SPATA7: variants seen among roughly 807,000 people sequenced by gnomAD.
The protein encoded by SPATA7 is spermatogenesis associated 7.
A neutral mutation model predicts 51.8 loss-of-function variants in SPATA7; 43 were observed. The ratio of observed to expected loss-of-function variants is 0.83; its 90% CI spans 0.65 to 1.07. The LOEUF is 1.07. SPATA7 is among the 50% of genes least tolerant of loss of function. The pLI, the probability that SPATA7 is intolerant of heterozygous loss-of-function variation, is 0.00. For synonymous variants in SPATA7, 230 were observed against 252.8 expected (o/e 0.91, Z 0.86); for missense variants, 683 against 701.3 (o/e 0.97, Z 0.30).
At chr14:88,433,247 A>G (rs1422790460) in intron 10 of SPATA7, 35 bp downstream of exon 10, 2 of 1,386,026 alleles carry the variant, frequency 1.4e-6, no homozygotes, top group Non-Finnish European at 2.0e-6. Flanking sequence ...TTAATTCAGG[A>G]GTACATTAAA....
At chr14:88,452,499 TG>T (rs1273442871) in intron 3 of SPATA7, among the ~76,000 whole-genome samples, 2 of 150,920 alleles carry the variant, frequency 1.3e-5, no homozygotes, top group Non-Finnish European at 3.0e-5. Flanking sequence ...CAAGAGATTA[TG>T]TCCTTTTTTT....
intron 4 of SPATA7, among the ~76,000 whole-genome samples, chr14:88,468,639 A>C (rs2077403324): frequency 6.6e-6 from 1 of 152,170 alleles, no homozygotes; most frequent in Non-Finnish European, 1.5e-5. Context: ...TGAAATGTAA[A>C]CAGAAAAAGA....
intron 3 of SPATA7, among the ~76,000 whole-genome samples, chr14:88,445,052 T>A (rs1331836836): frequency 6.6e-6 from 1 of 152,028 alleles, no homozygotes; most frequent in Admixed American, 6.6e-5. Flanking sequence ...GGGGATGGCA[T>A]TGAATCTGTA....
chr14:88,468,672 A>G (rs890638679), intron 4 of SPATA7, among the ~76,000 whole-genome samples: 1 of 151,880 alleles, frequency 6.6e-6, no homozygotes, highest in Non-Finnish European at 1.5e-5. Flanking sequence ...AATTTGAAAA[A>G]CCCTGGGCAA....
intron 4 of SPATA7, among the ~76,000 whole-genome samples, chr14:88,406,392 G>A (rs974451650): frequency 2.7e-5 from 4 of 149,526 alleles, no homozygotes; most frequent in South Asian, 4.2e-4. Flanking sequence ...TTGCAGCCAC[G>A]CTGCAAATTC....
In SPATA7 at chr14:88,393,562, A is replaced by G. The variant is rs187237972; in HGVS notation, c.190+74A>G. ...CTTCACTTCTCATTAAAATATATCTATAGCAAAAATGAATACCTTATATAT... is the reference window on the plus strand; with the variant it reads ...CTTCACTTCTCATTAAAATATATCTGTAGCAAAAATGAATACCTTATATAT... On this transcript the variant is annotated intron_variant, in intron 3 of 11. Transcript: ENST00000393545. 3,519 of 1,078,086 alleles carry G rather than the reference A, an allele frequency of 3.3e-3. 11 individuals carry two copies. The highest frequency in any genetic ancestry group is 0.012 in the Middle Eastern group (57 of 4,720). 66.8% of individuals were successfully genotyped at this position (1,078,086 alleles called of 1,614,324 possible). A position where few individuals can be genotyped will look rare whatever the true frequency, so the allele number is the denominator to read the frequency against.
At chr14:88,415,536 A>G (rs1480705172) in intron 4 of SPATA7, among the ~76,000 whole-genome samples, 1 of 151,710 alleles carries the variant, frequency 6.6e-6, no homozygotes, top group East Asian at 1.9e-4. Flanking sequence ...TAAATAAAAA[A>G]ATTAAAAAGT....
chr14:88,468,071 G>T, intron 4 of SPATA7: 1 of 1,568,676 alleles, frequency 6.4e-7, no homozygotes, highest in South Asian at 1.1e-5. Flanking sequence ...GTATGAGTTA[G>T]GCAAGCGCTT....
chr14:88,469,847 G>A lies in SPATA7; in HGVS notation c.256G>A (p.Val86Ile), dbSNP rs2077431283. 6.2e-7 allele frequency: 1 copy of A among 1,607,840 alleles called. No individual in the cohort carries two copies. The highest frequency in any genetic ancestry group is 8.5e-7 in the Non-Finnish European group (1 of 1,174,600). Residue 86 changes from valine (V) to isoleucine (I), a missense_variant and splice_region_variant, in exon 5 of 5, where the codon GTC becomes ATC. Coordinates refer to the SPATA7 transcript ENST00000556406. The surrounding 1 kb of genome is among the most constrained non-coding windows in gnomAD (Gnocchi z 4.3). ...CCCTACCCTGCCTTTTTCTCCACAG[G>A]TCAGGATTCCAGATGATTAACATTA... is the stretch of plus-strand genomic sequence containing the variant.
chr14:88,468,108 T>G (rs899352139), intron 4 of SPATA7: 34 of 1,612,346 alleles, frequency 2.1e-5, no homozygotes, highest in Non-Finnish European at 2.9e-5. Context: ...ACGCTTCACA[T>G]GACTGGCCCC....
downstream of SPATA7, among the ~76,000 whole-genome samples, chr14:88,458,978 T>C (rs937531851): frequency 2.0e-5 from 3 of 152,230 alleles, no homozygotes; most frequent in African/African-American, 7.2e-5. Flanking sequence ...TTTTGTTATA[T>C]ACCCATTAGT....
downstream of SPATA7, among the ~76,000 whole-genome samples, chr14:88,457,090 G>A (rs59714826): frequency 0.038 from 5,772 of 152,166 alleles, 357 homozygotes; most frequent in African/African-American, 0.13. Flanking sequence ...CTATATCTCT[G>A]TTTTGGTACC....
chr14:88,386,023 G>C, intron 1 of SPATA7, 186 bp downstream of exon 1: 1 of 1,456,634 alleles, frequency 6.9e-7, no homozygotes, highest in Non-Finnish European at 9.0e-7. Flanking sequence ...CTGCTTGCCA[G>C]CCTCGCAGGT....
At chr14:88,414,927 G>A (rs965482949) in intron 4 of SPATA7, among the ~76,000 whole-genome samples, 5 of 151,914 alleles carry the variant, frequency 3.3e-5, no homozygotes, top group African/African-American at 9.7e-5. Flanking sequence ...TATGTTTGGC[G>A]TGGTTTCAAT....
At chr14:88,458,704 G>T (rs1013385918), downstream of SPATA7, among the ~76,000 whole-genome samples, 2 of 151,960 alleles carry the variant, frequency 1.3e-5, no homozygotes, top group Non-Finnish European at 2.9e-5. Flanking sequence ...TTTTTGAAGG[G>T]TTTTTTGTGT....
rs1180389700 is a variant in SPATA7, at chr14:88,438,193, A to T, written c.1571A>T (p.His524Leu). The T allele has an allele frequency of 1.2e-6, 2 of 1,613,894 alleles. No individual in the cohort carries two copies. The highest frequency in any genetic ancestry group is 2.7e-5 in the African/African-American group (2 of 75,046). The change falls in exon 12 of 12, where the codon CAT (histidine) becomes CTT (leucine). Residue 524 changes from histidine to leucine, a missense_variant. Physicochemically the swap from His to Leu is moderately conservative, Grantham distance 99. Coordinates refer to ENST00000393545, the MANE Select transcript of SPATA7 (RefSeq NM_018418.5). ...GAAACTTCAACTTTGGATGAAAATC[A>T]TCCAAGTATTTCAGACAGTTTAACA... ...NLETSTLDENHPSISDSLTDR... is the reference protein window; with the variant it reads ...NLETSTLDENLPSISDSLTDR...
In SPATA7 at chr14:88,438,403, A is replaced by G; in HGVS notation, c.1781A>G (p.Asp594Gly). 6.2e-7 allele frequency: 1 copy of G among 1,613,552 alleles called. No individual in the cohort carries two copies. The change falls in exon 12 of 12, where the codon GAC becomes GGC. Residue 594 changes from aspartate to glycine, a missense_variant. By Grantham distance (94) the Asp-to-Gly change is moderately conservative (BLOSUM62 -1). Transcript: ENST00000393545. ...TLKIMEMSIE[D>G]CPLDV ...AAAATCATGGAAATGAGCATTGAGG[A>G]CTGCCCTTTGGATGTTTAATCTTCA...
chr14:88,400,751 C>G (rs1462718985), intron 4 of SPATA7, among the ~76,000 whole-genome samples: 1 of 152,140 alleles, frequency 6.6e-6, no homozygotes, highest in Non-Finnish European at 1.5e-5. Context: ...AGGAGAATCA[C>G]TTGAATCCAG....
chr14:88,457,319 A>G (rs1457989928), downstream of SPATA7, among the ~76,000 whole-genome samples: 2 of 152,086 alleles, frequency 1.3e-5, no homozygotes, highest in Non-Finnish European at 1.5e-5. Context: ...CTTGGGCACT[A>G]TGGCCATTTT....
Sources: gnomAD v4.1 joint callset for allele counts (sites outside exome capture counted in the v4.1 genomes callset) on GRCh38, gnomAD v4.1.1 for gene constraint, Gnocchi (gnomAD v3.1) non-coding constraint, MANE v1.5 for transcripts, NCBI Gene and HGNC (gene_info 2026-07-23, HGNC 2026-07-21) for gene names.